Variants in MARK3 observed in about 807,000 individuals in gnomAD.
MARK3 encodes microtubule affinity regulating kinase 3.
In MARK3, 46 loss-of-function variants were observed where a neutral mutation model predicts 90.1. The observed-to-expected ratio is 0.51, with a 90% CI of 0.40 to 0.65. The LOEUF is 0.65. Ranked by LOEUF, MARK3 falls within the 30% of genes least tolerant of loss-of-function variation. The pLI, the probability that MARK3 is intolerant of heterozygous loss-of-function variation, is 0.00. For missense variants in MARK3, 818 were observed against 947.2 expected (o/e 0.86, Z 1.79); for synonymous variants, 321 against 332.6 (o/e 0.97, Z 0.38).
chr14:103,498,517 G>C lies in MARK3; in HGVS notation c.1860G>C (p.Arg620Ser), dbSNP rs1364540708. Residue 620 changes from arginine (R) to serine (S), a missense_variant, in exon 16 of 18, where the codon AGG becomes AGC. By Grantham distance (110) the Arg-to-Ser change is moderately radical. Around this residue, in one of 3 missense-constraint regions of MARK3, gnomAD observed 560 missense variants for 613.5 expected, o/e 0.91. Transcript: ENST00000429436. ...SKLTRRNMSF[R>S]FIKRLPTEYE... ...TTTCTTTTAGAAACATGTCATTCAG[G>C]TTTATCAAAAGGTAGGATTTATATA... The C allele has an allele frequency of 1.5e-6, 2 of 1,356,910 alleles. No homozygotes were observed. Among genetic ancestry groups the C allele is most frequent in the Non-Finnish European group, 1.9e-6 (2 of 1,049,580 alleles). 84.1% of individuals were successfully genotyped at this position (1,356,910 alleles called of 1,614,324 possible). A position where few individuals can be genotyped will look rare whatever the true frequency, so the allele number is the denominator to read the frequency against.
At chr14:103,392,483 G>A (rs1322521943) in intron 1 of MARK3, among the ~76,000 whole-genome samples, 2 of 152,010 alleles carry the variant, frequency 1.3e-5, no homozygotes, top group African/African-American at 4.8e-5. Flanking sequence ...CTCCAGGTCC[G>A]GGGACCACTC....
intron 12 of MARK3, among the ~76,000 whole-genome samples, chr14:103,471,898 A>G (rs1457142582): frequency 6.6e-6 from 1 of 152,186 alleles, no homozygotes; most frequent in African/African-American, 2.4e-5. Flanking sequence ...TACAAGGATG[A>G]ATTCTAATTG....
rs1391533661 is a variant in MARK3 at position 103,462,439 on chromosome 14, G to A, written c.518G>A (p.Arg173Gln). 7.5e-6 allele frequency: 12 copies of A among 1,604,190 alleles called. No homozygotes were observed. Among genetic ancestry groups the A allele is most frequent in the Middle Eastern group, 1.7e-4 (1 of 6,056 alleles). ...VSAVQYCHQK[R>Q]IVHRDLKAEN... ...GCAGTTCAATACTGCCATCAGAAACGGATCGTACATCGAGACCTCAAGGTG... is the reference window on the plus strand; with the variant it reads ...GCAGTTCAATACTGCCATCAGAAACAGATCGTACATCGAGACCTCAAGGTG... The change falls in exon 7 of 18, where the codon CGG becomes CAG. Residue 173 changes from arginine (R) to glutamine (Q), a missense_variant. Coordinates refer to ENST00000429436, the MANE Select transcript of MARK3 (RefSeq NM_001128918.3).
At chr14:103,415,768 C>T (rs1011127336) in intron 2 of MARK3, among the ~76,000 whole-genome samples, 2 of 152,190 alleles carry the variant, frequency 1.3e-5, no homozygotes, top group African/African-American at 4.8e-5. Context: ...AATGCATGCA[C>T]ATAGCTTAAC....
intron 3 of MARK3, among the ~76,000 whole-genome samples, chr14:103,440,996 A>G (rs1417144941): frequency 1.3e-5 from 2 of 150,690 alleles, no homozygotes; most frequent in Non-Finnish European, 3.0e-5. Flanking sequence ...ACATTTTCCT[A>G]ATTACTGATG....
chr14:103,393,040 G>A (rs1336252777), intron 1 of MARK3, among the ~76,000 whole-genome samples: 3 of 152,164 alleles, frequency 2.0e-5, no homozygotes, highest in Non-Finnish European at 4.4e-5. Context: ...CTGGAGTGCA[G>A]TGGCATGATC....
At chr14:103,447,903 G>C (rs1240204697) in intron 3 of MARK3, among the ~76,000 whole-genome samples, 3 of 152,096 alleles carry the variant, frequency 2.0e-5, no homozygotes, top group Admixed American at 6.5e-5. Flanking sequence ...CTCCCGAGTA[G>C]CTGGGACTAC....
chr14:103,433,799 TAGC>T (rs1460348679), intron 3 of MARK3, among the ~76,000 whole-genome samples: 1 of 152,210 alleles, frequency 6.6e-6, no homozygotes, highest in African/African-American at 2.4e-5. Flanking sequence ...TGTGGAATCT[TAGC>T]AGGGATTACT....
chr14:103,416,766 C>G (rs920152081), intron 2 of MARK3, among the ~76,000 whole-genome samples: 3 of 152,030 alleles, frequency 2.0e-5, no homozygotes, highest in Admixed American at 6.6e-5. Flanking sequence ...GAGCAAAACT[C>G]TGTCTCAAAA....
At chr14:103,467,940 T>C in intron 11 of MARK3, 93 bp from the exon 12 acceptor site, 1 of 1,268,806 alleles carries the variant, frequency 7.9e-7, no homozygotes, top group Non-Finnish European at 1.1e-6. Flanking sequence ...ATGAACGGTT[T>C]ATGAGAGGTC....
intron 2 of MARK3, among the ~76,000 whole-genome samples, chr14:103,414,851 G>A (rs1289920075): frequency 6.6e-6 from 1 of 152,082 alleles, no homozygotes; most frequent in Non-Finnish European, 1.5e-5. Context: ...TACTCACGAA[G>A]GCCGGGCATG....
intron 15 of MARK3, among the ~76,000 whole-genome samples, chr14:103,495,247 G>C (rs2075276334): frequency 2.0e-5 from 3 of 152,190 alleles, no homozygotes; most frequent in African/African-American, 7.2e-5. Flanking sequence ...AAGGCAGGTA[G>C]ATCAGGTAGA....
intron 5 of MARK3, among the ~76,000 whole-genome samples, chr14:103,455,620 C>G (rs1336707428): frequency 2.0e-5 from 3 of 150,780 alleles, no homozygotes; most frequent in Non-Finnish European, 4.4e-5. Context: ...CCCAGCTACT[C>G]AGGAGGCTGA....
chr14:103,490,941 A>ACC, intron 14 of MARK3: 2 of 1,264,316 alleles, frequency 1.6e-6, no homozygotes, highest in Admixed American at 2.3e-5. Flanking sequence ...CTGAACCCAA[A>ACC]CCCCTCCCAG....
chr14:103,448,504 T>G (rs117618513), intron 3 of MARK3, among the ~76,000 whole-genome samples: 3,777 of 152,300 alleles, frequency 0.025, 73 homozygotes, highest in Non-Finnish European at 0.039. Context: ...ATTATCAGTT[T>G]AATATGCTTA....
chr14:103,453,808 G>A (rs967913959), intron 5 of MARK3, among the ~76,000 whole-genome samples: 4 of 152,124 alleles, frequency 2.6e-5, no homozygotes, highest in Non-Finnish European at 4.4e-5. Context: ...CCTTCACAGC[G>A]ACTCCATGCT....
intron 2 of MARK3, among the ~76,000 whole-genome samples, chr14:103,406,960 A>C (rs1287726949): frequency 2.0e-5 from 3 of 152,128 alleles, no homozygotes; most frequent in Non-Finnish European, 2.9e-5. Context: ...CAGCCTCCCG[A>C]GTAGCTGGGA....
chr14:103,401,135 T>C (rs755630772), intron 1 of MARK3, among the ~76,000 whole-genome samples: 60 of 152,132 alleles, frequency 3.9e-4, no homozygotes, highest in South Asian at 6.2e-4. Flanking sequence ...TTAGGGTCGG[T>C]GATGGATTCT....
intron 2 of MARK3, among the ~76,000 whole-genome samples, chr14:103,420,924 T>C (rs1478383787): frequency 6.6e-6 from 1 of 152,144 alleles, no homozygotes; most frequent in African/African-American, 2.4e-5. Flanking sequence ...TTTGTACTTT[T>C]TGTTGATGAT....
Sources: allele counts gnomAD v4.1 joint callset (sites outside exome capture counted in the v4.1 genomes callset), GRCh38; gene constraint gnomAD v4.1.1; regional missense constraint gnomAD v4.1.1; transcripts MANE v1.5; gene names NCBI Gene and HGNC (gene_info 2026-07-23, HGNC 2026-07-21).